The following TENM4 variants were observed in gnomAD, a reference collection of about 807,000 sequenced individuals.
The protein encoded by TENM4 is teneurin-4.
In TENM4, 82 loss-of-function variants were observed where a neutral mutation model predicts 243.3. The observed-to-expected ratio is 0.34, with a 90% CI of 0.28 to 0.40. The LOEUF (loss-of-function observed/expected upper bound fraction) is 0.40. Ranked by LOEUF, TENM4 falls within the 10% of genes least tolerant of loss-of-function variation. The probability of loss-of-function intolerance (pLI) is 1.00; values close to 1 mark genes in which losing one functional copy is unlikely to be tolerated. For synonymous variants in TENM4, 1,412 were observed against 1,456.3 expected (o/e 0.97, Z 0.69); for missense variants, 3,138 against 3,673.3 (o/e 0.85, Z 3.77).
At chr11:79,246,372 A>G (rs2135293323) in intron 2 of TENM4, among the ~76,000 whole-genome samples, 1 of 152,314 alleles carries the variant, frequency 6.6e-6, no homozygotes, top group African/African-American at 2.4e-5. Context: ...TTGGAAAATA[A>G]TTTGGCATTA....
intron 1 of TENM4, among the ~76,000 whole-genome samples, chr11:79,429,064 A>C (rs1859113525): frequency 6.6e-6 from 1 of 152,112 alleles, no homozygotes; most frequent in Non-Finnish European, 1.5e-5. Context: ...AGTAACTCTA[A>C]ATCTAGTGCC....
chr11:78,851,285 T>C (rs1009822457), intron 12 of TENM4, among the ~76,000 whole-genome samples: 1 of 152,146 alleles, frequency 6.6e-6, no homozygotes, highest in Non-Finnish European at 1.5e-5. Flanking sequence ...GTATGACCTA[T>C]TGGCCCTAAA....
intron 17 of TENM4, among the ~76,000 whole-genome samples, chr11:78,771,694 A>G (rs1281637813): frequency 6.6e-6 from 1 of 152,082 alleles, no homozygotes; most frequent in Non-Finnish European, 1.5e-5. Context: ...ATTTTCTCCT[A>G]AACAACTGTC....
At chr11:78,767,989 G>C (rs1856571394) in intron 18 of TENM4, among the ~76,000 whole-genome samples, 4 of 152,178 alleles carry the variant, frequency 2.6e-5, no homozygotes, top group Admixed American at 2.6e-4. Context: ...TGGCTGAACT[G>C]AAAGTAGCCC....
chr11:78,708,076 G>A (rs1036452854), intron 27 of TENM4, among the ~76,000 whole-genome samples: 2 of 152,186 alleles, frequency 1.3e-5, no homozygotes, highest in African/African-American at 2.4e-5. Flanking sequence ...TTAATGTCAC[G>A]TGGTGTAAAG....
rs1857921588 is a variant in TENM4 at position 78,829,135 on chromosome 11, TCTTTCTA to T, written c.1682-14747_1682-14741del. On this transcript the variant is annotated intron_variant, in intron 12 of 33. Transcript: ENST00000278550. ...CCAGCCTTCCTCCTGGGTCCCTGGT[TCTTTCTA>T]CTTGTCCACTGGGCTGGTGTGTGAG... 3.3e-5 allele frequency among the ~76,000 whole-genome samples: 5 copies of T among 152,336 alleles called. No homozygotes were observed. In the South Asian group the frequency reaches 8.3e-4, roughly 25 times the overall value.
intron 15 of TENM4, among the ~76,000 whole-genome samples, chr11:78,803,123 C>T (rs555996149): frequency 5.3e-5 from 8 of 151,958 alleles, no homozygotes; most frequent in Admixed American, 3.3e-4. Context: ...CTCTGCCATC[C>T]GGGTTCAAGA....
intron 2 of TENM4, among the ~76,000 whole-genome samples, chr11:79,251,812 G>GAA (rs57053640): frequency 2.8e-4 from 42 of 148,182 alleles, no homozygotes; most frequent in African/African-American, 6.9e-4. Context: ...TCGAAAAAAT[G>GAA]AAAAAAAAAC....
intron 6 of TENM4, among the ~76,000 whole-genome samples, chr11:79,056,388 G>A (rs1020280166): frequency 2.6e-5 from 4 of 152,044 alleles, no homozygotes; most frequent in Admixed American, 2.0e-4. Context: ...CCACCAGGGA[G>A]AGTCACAGAG....
intron 22 of TENM4, 105 bp downstream of exon 22, chr11:78,729,271 G>T: frequency 8.0e-7 from 1 of 1,256,400 alleles, no homozygotes; most frequent in Non-Finnish European, 1.1e-6. Flanking sequence ...TAAGCCTTAG[G>T]TATTTTTGAT....
At chr11:79,146,032 T>C (rs1397325800) in intron 4 of TENM4, among the ~76,000 whole-genome samples, 2 of 152,108 alleles carry the variant, frequency 1.3e-5, no homozygotes, top group African/African-American at 4.8e-5. Flanking sequence ...ATATGAGACC[T>C]TTGTTGAGTA....
chr11:78,732,394 G>T lies in TENM4; in HGVS notation c.3060C>A (p.Asn1020Lys). ...TCAGTGGGGATGGAGAGACGACTGG[G>T]TTGGGGCGGGCAAAATTGCTCAGGT... ...SCDLSNFARP[N>K]PVVSPSPLTS... The change falls in exon 21 of 34, where the codon AAC (asparagine) becomes AAA (lysine). Residue 1020 changes from asparagine to lysine, a missense_variant. This residue lies in a region of TENM4 where 2,467 missense variants were observed against 3,059.1 expected (regional missense o/e 0.81). Coordinates refer to ENST00000278550, the MANE Select transcript of TENM4 (RefSeq NM_001098816.3). 1 of 1,613,978 alleles carries T rather than the reference G, an allele frequency of 6.2e-7. No individual in the cohort carries two copies. The highest frequency in any genetic ancestry group is 1.3e-5 in the African/African-American group (1 of 75,020).
chr11:78,966,207 AAAAAG>A (rs1010866893), intron 6 of TENM4, among the ~76,000 whole-genome samples: 8 of 151,718 alleles, frequency 5.3e-5, no homozygotes, highest in Non-Finnish European at 1.0e-4. Context: ...AAAAAAAAAA[AAAAAG>A]AAAGAAAAGA....
intron 4 of TENM4, among the ~76,000 whole-genome samples, chr11:79,145,771 C>T (rs1365990105): frequency 6.6e-6 from 1 of 152,080 alleles, no homozygotes; most frequent in African/African-American, 2.4e-5. Flanking sequence ...TCGGTTGTTT[C>T]ACATCTTTGC....
At chr11:78,705,217 T>C (rs905238132) in intron 27 of TENM4, among the ~76,000 whole-genome samples, 1 of 152,182 alleles carries the variant, frequency 6.6e-6, no homozygotes, top group Non-Finnish European at 1.5e-5. Context: ...TGTGGAGACC[T>C]TTCTGCCTGT....
At chr11:79,015,465 A>C (rs1490021148) in intron 6 of TENM4, among the ~76,000 whole-genome samples, 1 of 140,264 alleles carries the variant, frequency 7.1e-6, no homozygotes, top group Admixed American at 7.1e-5. Context: ...TTCATGAGAA[A>C]AAAAGTCATT....
intron 3 of TENM4, among the ~76,000 whole-genome samples, chr11:79,212,549 C>T (rs1863973726): frequency 6.6e-6 from 1 of 152,140 alleles, no homozygotes; most frequent in Non-Finnish European, 1.5e-5. Flanking sequence ...GAAGGCATGA[C>T]TGAATGAATG....
At chr11:79,152,449 C>A (rs938348223) in intron 3 of TENM4, among the ~76,000 whole-genome samples, 1 of 152,164 alleles carries the variant, frequency 6.6e-6, no homozygotes, top group Admixed American at 6.5e-5. Context: ...GCAAATGAAG[C>A]CTCTAGGAAA....
Position 78,903,257 on chromosome 11 carries a change from C to T in TENM4, c.749+11G>A, listed in dbSNP as rs772626482. On this transcript the variant is annotated intron_variant, in intron 7 of 33. Coordinates refer to ENST00000278550, the MANE Select transcript of TENM4 (RefSeq NM_001098816.3). ...CCCTCCTCAGCCTCACCCTCCCTAC[C>T]GGCCGCGCACCTGGTCTCCAGGGGG... The T allele has an allele frequency of 1.2e-5, 18 of 1,488,266 alleles. No homozygotes were observed. The highest frequency in any genetic ancestry group is 1.5e-5 in the Non-Finnish European group (17 of 1,124,550). 92.2% of individuals were successfully genotyped at this position (1,488,266 alleles called of 1,614,324 possible). A position where few individuals can be genotyped will look rare whatever the true frequency, so the allele number is the denominator to read the frequency against.
Sources: allele counts gnomAD v4.1 joint callset (sites outside exome capture counted in the v4.1 genomes callset), GRCh38; gene constraint gnomAD v4.1.1; regional missense constraint gnomAD v4.1.1; transcripts MANE v1.5; gene names NCBI Gene and HGNC (gene_info 2026-07-23, HGNC 2026-07-21).